The following TNFSF10 variants were observed in gnomAD, a reference collection of about 807,000 sequenced individuals.
TNFSF10 encodes the protein tumor necrosis factor ligand superfamily member 10.
TNFSF10 carries 13 observed loss-of-function variants against 29.5 expected under a neutral mutation model. That is an observed-to-expected ratio of 0.44 (90% confidence interval 0.29 to 0.70). TNFSF10 has a LOEUF of 0.70. Ranked by LOEUF, TNFSF10 falls within the 30% of genes least tolerant of loss-of-function variation. TNFSF10 has a pLI of 0.13. For missense variants in TNFSF10, 345 were observed against 330.9 expected (o/e 1.04, Z -0.33); for synonymous variants, 111 against 112.8 (o/e 0.98, Z 0.10).
intron 3 of TNFSF10, among the ~76,000 whole-genome samples, chr3:172,509,775 G>A (rs1272123966): frequency 6.6e-6 from 1 of 152,076 alleles, no homozygotes; most frequent in Non-Finnish European, 1.5e-5. Flanking sequence ...TCAGGAGATT[G>A]AGACTATCCT....
At chr3:172,509,352 ACTTG>A (rs1255680831) in intron 3 of TNFSF10, 31 bp from the exon 4 acceptor site, 1 of 1,568,994 alleles carries the variant, frequency 6.4e-7, no homozygotes, top group Non-Finnish European at 8.8e-7. Context: ...GGTCATCAAC[ACTTG>A]CCAAACTAGT....
At chr3:172,516,598 A>C (rs537987696) in intron 1 of TNFSF10, among the ~76,000 whole-genome samples, 15 of 152,244 alleles carry the variant, frequency 9.9e-5, no homozygotes, top group African/African-American at 3.1e-4. Flanking sequence ...TTTTAAACAA[A>C]TGTTTATTTT....
Position 172,509,291 on chromosome 3 carries a change from C to A in TNFSF10, c.344G>T (p.Arg115Ile). The stretch of plus-strand genomic sequence containing the variant: ...TGCTACTCTCTGAGGACCTCTTTCT[C>A]TCACTAGGGGAGAAATATTTTGTTG... ...EKQQNISPLV[R>I]ERGPQRVAAH... Residue 115 changes from arginine (R) to isoleucine (I), a missense_variant, in exon 4 of 5, where the codon AGA becomes ATA. Transcript: ENST00000241261. The A allele has an allele frequency of 6.2e-7, 1 of 1,613,868 alleles. No individual in the cohort carries two copies. The highest frequency in any genetic ancestry group is 8.5e-7 in the Non-Finnish European group (1 of 1,179,896).
intron 1 of TNFSF10, among the ~76,000 whole-genome samples, chr3:172,520,841 G>T (rs1368610724): frequency 6.6e-6 from 1 of 152,274 alleles, no homozygotes; most frequent in South Asian, 2.1e-4. Flanking sequence ...CATGTTACTG[G>T]TATGGAAACA....
intron 2 of TNFSF10, 135 bp downstream of exon 2, chr3:172,514,726 A>T: frequency 8.0e-7 from 1 of 1,248,400 alleles, no homozygotes. Context: ...AAAATTACTT[A>T]AATACTCTGG....
At chr3:172,523,182 A>G (rs542180202) in intron 1 of TNFSF10, 71 bp downstream of exon 1, 4 of 1,493,818 alleles carry the variant, frequency 2.7e-6, no homozygotes, top group African/African-American at 1.4e-5. Flanking sequence ...GGGCAAGCTG[A>G]CATGCAAAGA....
In TNFSF10 at chr3:172,509,086, G is replaced by A. The variant is rs545369842; in HGVS notation, c.418+131C>T. 6.6e-6 allele frequency: 4 copies of A among 610,330 alleles called. No homozygotes were observed. In the Admixed American group the frequency reaches 1.4e-4, roughly 22 times the overall value. The allele number at this position is 610,330 out of a possible 1,614,324, so 37.8% of individuals were successfully genotyped here. A position where few individuals can be genotyped will look rare whatever the true frequency, so the allele number is the denominator to read the frequency against. ...TTGCATCTGAAAACAGTCAATCTGA[G>A]ATCTGATTAATACTGAGCATTTTGT... On this transcript the variant is annotated intron_variant, in intron 4 of 4. Transcript: ENST00000241261.
At position 172,506,823 on chromosome 3, in the gene TNFSF10, C is replaced by G; in HGVS notation, c.515G>C (p.Gly172Ala). ...CCCTTTTTCATGGATGACCAGTTCA[C>G]CATTCCTCAAGTGCAAGTTGCTCAG... ...SFLSNLHLRN[G>A]ELVIHEKGFY... Residue 172 changes from glycine (G) to alanine (A), a missense_variant, in exon 5 of 5, where the codon GGT (glycine) becomes GCT (alanine). Physicochemically the swap from Gly to Ala is moderately conservative, Grantham distance 60 (BLOSUM62 0). Coordinates refer to ENST00000241261, the MANE Select transcript of TNFSF10 (RefSeq NM_003810.4). 6.2e-7 allele frequency: 1 copy of G among 1,614,196 alleles called. No individual in the cohort carries two copies. Among genetic ancestry groups the G allele is most frequent in the South Asian group, 1.1e-5 (1 of 91,084 alleles).
chr3:172,521,383 G>T (rs890623092), intron 1 of TNFSF10, among the ~76,000 whole-genome samples: 3 of 152,146 alleles, frequency 2.0e-5, no homozygotes, highest in Non-Finnish European at 4.4e-5. Context: ...ACATCAAAAA[G>T]TGGGCAAAAG....
rs888951399 is a variant in TNFSF10, at chr3:172,520,046, G to A, written c.132+3207C>T. Among the ~76,000 whole-genome samples, 28 of 152,164 alleles carry A rather than the reference G, an allele frequency of 1.8e-4. 1 individual carries two copies. The highest frequency in any genetic ancestry group is 3.2e-3 in the Middle Eastern group (1 of 316). ...TGAGTACATTATTTCTTGTCTCCTCGTCTGTAAAAAGTGGTTGTGGTGGTG... is the reference window on the plus strand; with the variant it reads ...TGAGTACATTATTTCTTGTCTCCTCATCTGTAAAAAGTGGTTGTGGTGGTG... On this transcript the variant is annotated intron_variant, in intron 1 of 4. Transcript: ENST00000241261.
chr3:172,516,089 C>T (rs1292266696), intron 1 of TNFSF10, among the ~76,000 whole-genome samples: 5 of 151,990 alleles, frequency 3.3e-5, no homozygotes, highest in Admixed American at 2.6e-4. Context: ...AGTGAAACCC[C>T]ATCTCTACTA....
At chr3:172,517,946 A>G (rs886172449) in intron 1 of TNFSF10, 1 of 985,548 alleles carries the variant, frequency 1.0e-6, no homozygotes, top group Non-Finnish European at 1.2e-6. Flanking sequence ...CCACCCTCAC[A>G]TGTTTCTTGC....
intron 1 of TNFSF10, chr3:172,518,282 G>A: frequency 8.6e-7 from 1 of 1,169,162 alleles, no homozygotes; most frequent in African/African-American, 1.6e-5. Flanking sequence ...GTTCTGAAAA[G>A]TGGATTTCCA....
At position 172,518,488 on chromosome 3, in the gene TNFSF10, T is replaced by C. The variant is rs1263663040; in HGVS notation, c.133-3490A>G. The C allele has an allele frequency of 2.3e-6, 3 of 1,285,312 alleles. No individual in the cohort carries two copies. In the Admixed American group the frequency reaches 6.9e-5, roughly 30 times the overall value. 79.6% of individuals were successfully genotyped at this position (1,285,312 alleles called of 1,614,324 possible). On this transcript the variant is annotated intron_variant, in intron 1 of 4. Coordinates refer to ENST00000241261, the MANE Select transcript of TNFSF10 (RefSeq NM_003810.4). ...AAACTGCAAATAGCATAAAGGATCA[T>C]TTATGGAGATCCGTGGAGAGGAAGC... is the stretch of plus-strand genomic sequence containing the variant.
intron 1 of TNFSF10, chr3:172,522,480 T>C (rs1226813992): frequency 8.1e-7 from 1 of 1,237,438 alleles, no homozygotes; most frequent in East Asian, 2.4e-5. Flanking sequence ...AATCTCTTAC[T>C]GTGCACCTTT....
At chr3:172,509,172 C>T (rs1224576198) in intron 4 of TNFSF10, 45 bp downstream of exon 4, 3 of 1,500,548 alleles carry the variant, frequency 2.0e-6, no homozygotes, top group Non-Finnish European at 2.8e-6. Flanking sequence ...TGGCACAATC[C>T]TTCCATTATT....
intron 1 of TNFSF10, among the ~76,000 whole-genome samples, chr3:172,516,021 G>A (rs2108448267): frequency 6.6e-6 from 1 of 152,312 alleles, no homozygotes; most frequent in East Asian, 1.9e-4. Flanking sequence ...CCAGCACTCT[G>A]GGAGGCCGAG....
chr3:172,518,956 C>T (rs1225933981), intron 1 of TNFSF10, among the ~76,000 whole-genome samples: 19 of 152,180 alleles, frequency 1.2e-4, no homozygotes, highest in Admixed American at 1.2e-3. Flanking sequence ...AAAGTAGGTG[C>T]TTCAATTTAT....
At chr3:172,510,234 A>C (rs796836765) in intron 3 of TNFSF10, among the ~76,000 whole-genome samples, 14 of 152,330 alleles carry the variant, frequency 9.2e-5, no homozygotes, top group African/African-American at 3.4e-4. Context: ...AGATGGGTGG[A>C]TCACTTAGCC....
Sources: gnomAD v4.1 joint callset for allele counts (sites outside exome capture counted in the v4.1 genomes callset) on GRCh38, gnomAD v4.1.1 for gene constraint, MANE v1.5 for transcripts, NCBI Gene and HGNC (gene_info 2026-07-23, HGNC 2026-07-21) for gene names.